The following CNPY4 variants were observed in gnomAD, a reference collection of about 807,000 sequenced individuals.
CNPY4 encodes the protein canopy FGF signaling regulator 4.
Under a neutral mutation model 30.1 loss-of-function variants are expected in CNPY4, and 33 were observed. The observed-to-expected ratio is 1.10, with a 90% CI of 0.83 to 1.46. The LOEUF (loss-of-function observed/expected upper bound fraction) is 1.46. Among genes scored for constraint, CNPY4 ranks in the 40% most tolerant of loss-of-function variants. The probability of loss-of-function intolerance (pLI) is 0.00; values close to 1 mark genes in which losing one functional copy is unlikely to be tolerated. For synonymous variants in CNPY4, 109 were observed against 110.1 expected, an observed-to-expected ratio of 0.99 and a Z score of 0.06; for missense variants, 324 against 302.6, an observed-to-expected ratio of 1.07 and a Z score of -0.52.
Position 100,125,188 on chromosome 7 carries a change from C to G in CNPY4, c.*300C>G, listed in dbSNP as rs1798180501. 1 of 311,180 alleles carries G rather than the reference C, an allele frequency of 3.2e-6. No homozygotes were observed. Among genetic ancestry groups the G allele is most frequent in the South Asian group, 7.2e-5 (1 of 13,942 alleles). The allele number at this position is 311,180 out of a possible 1,614,324, so 19.3% of individuals were successfully genotyped here. Reference sequence around the variant, plus strand: ...CTCTTTAACTGATCCCACCCCCACCCAAAAGTCAGCAGTGGCACTGGAGCT... The same window carrying G: ...CTCTTTAACTGATCCCACCCCCACCGAAAAGTCAGCAGTGGCACTGGAGCT... On this transcript the variant is annotated 3_prime_UTR_variant, in exon 6 of 6. Coordinates refer to ENST00000262932, the MANE Select transcript of CNPY4 (RefSeq NM_152755.2).
At chr7:100,120,137 G>C (rs896144893) in intron 1 of CNPY4, 12 of 337,350 alleles carry the variant, frequency 3.6e-5, no homozygotes, top group African/African-American at 1.7e-4. Context: ...CCATCGGCCC[G>C]GGACTGCCAA....
chr7:100,121,786 C>T (rs967251420), intron 1 of CNPY4, among the ~76,000 whole-genome samples: 1 of 150,610 alleles, frequency 6.6e-6, no homozygotes, highest in Non-Finnish European at 1.5e-5. Flanking sequence ...CGTGGTGGCT[C>T]ACGCCTGTAA....
rs536137427 is a variant in CNPY4, at chr7:100,119,641, G to C, written c.-104G>C. ...TCCTGCGCATGCGCCGACCTTCCTC[G>C]GCTGGATTTAAGGTTGCCGCTAGCC... On this transcript the variant is annotated 5_prime_UTR_variant, in exon 1 of 6. Coordinates refer to ENST00000262932, the MANE Select transcript of CNPY4 (RefSeq NM_152755.2). 8 of 1,603,086 alleles carry C rather than the reference G, an allele frequency of 5.0e-6. No individual in the cohort carries two copies. The highest frequency in any genetic ancestry group is 6.8e-6 in the Non-Finnish European group (8 of 1,174,460).
rs1342308918 is a variant in CNPY4, at chr7:100,122,553, C to A, written c.318C>A (p.Arg106=). The A allele has an allele frequency of 1.2e-6, 2 of 1,611,970 alleles. No individual in the cohort carries two copies. Among genetic ancestry groups the A allele is most frequent in the Non-Finnish European group, 1.7e-6 (2 of 1,178,864 alleles). Residue 106 remains arginine, a synonymous_variant, in exon 3 of 6, where the codon CGC becomes CGA. Transcript: ENST00000262932. The stretch of plus-strand genomic sequence containing the variant: ...TGGACTATAGTGTTCACGCTGAGCG[C>A]AAGGGCTCACTGAGATATGCCAAGG... The part of the protein sequence containing the change: ...RILDYSVHAE[R]KGSLRYAKGQ...
In CNPY4 at chr7:100,124,894, G is replaced by A. The variant is rs1798173651; in HGVS notation, c.*6G>A. ...TTGACCGAGAAGATCTTTGACCCTT[G>A]CCTTTGAGCCCCCAGGAGGGGAAGG... On this transcript the variant is annotated 3_prime_UTR_variant, in exon 6 of 6. Transcript: ENST00000262932. 2.5e-6 allele frequency: 4 copies of A among 1,577,836 alleles called. No homozygotes were observed. The highest frequency in any genetic ancestry group is 3.4e-6 in the Non-Finnish European group (4 of 1,162,986).
In CNPY4 at chr7:100,122,847, G is replaced by A; in HGVS notation, c.406G>A (p.Gly136Arg). The A allele has an allele frequency of 5.0e-6, 8 of 1,613,854 alleles. No homozygotes were observed. The highest frequency in any genetic ancestry group is 5.9e-6 in the Non-Finnish European group (7 of 1,179,942). Residue 136 changes from glycine (G) to arginine (R), a missense_variant, in exon 4 of 6, where the codon GGG becomes AGG. Transcript: ENST00000262932. The part of the protein sequence containing the change: ...LVQKGVKVDL[G>R]IPLELWDEPS... Reference sequence around the variant, plus strand: ...GCAGAAGGGGGTGAAGGTGGATCTGGGGATCCCTCTGGAGCTTTGGGATGA... The same window carrying A: ...GCAGAAGGGGGTGAAGGTGGATCTGAGGATCCCTCTGGAGCTTTGGGATGA...
Position 100,124,727 on chromosome 7 carries a change from T to A in CNPY4, c.586T>A (p.Cys196Ser). 1 of 1,613,754 alleles carries A rather than the reference T, an allele frequency of 6.2e-7. No homozygotes were observed. Among genetic ancestry groups the A allele is most frequent in the Non-Finnish European group, 8.5e-7 (1 of 1,179,962 alleles). ...GHVLPAAETACLQETWTGKEI... is the reference protein window; with the variant it reads ...GHVLPAAETASLQETWTGKEI... ...TTGTTTTCTGTCATCCGATCTAGCA[T>A]GTCTACAGGAAACTTGGACTGGAAA... The change falls in exon 6 of 6, where the codon TGT (cysteine) becomes AGT (serine). Residue 196 changes from cysteine (C) to serine (S), a missense_variant and splice_region_variant. Cys to Ser is a moderately radical substitution (Grantham distance 112). Coordinates refer to ENST00000262932, the MANE Select transcript of CNPY4 (RefSeq NM_152755.2).
At chr7:100,121,109 T>TATATATATATAC (rs1407495343) in intron 1 of CNPY4, 24 of 25,930 alleles carry the variant, frequency 9.3e-4, no homozygotes, top group Non-Finnish European at 2.1e-3. Flanking sequence ...TATATATATA[T>TATATATATATAC]ATATATATTT....
At position 100,124,954 on chromosome 7, in the gene CNPY4, C is replaced by G; in HGVS notation, c.*66C>G. The G allele has an allele frequency of 6.6e-7, 1 of 1,504,278 alleles. No homozygotes were observed. The highest frequency in any genetic ancestry group is 2.3e-5 in the East Asian group (1 of 44,084). The allele number at this position is 1,504,278 out of a possible 1,614,324, so 93.2% of individuals were successfully genotyped here. On this transcript the variant is annotated 3_prime_UTR_variant, in exon 6 of 6. Transcript: ENST00000262932. ...GAGCCCTCTAAAGCCTGCACTCTCCCTGCTCCACAGCTTTCAGGGTGTGTT... is the reference window on the plus strand; with the variant it reads ...GAGCCCTCTAAAGCCTGCACTCTCCGTGCTCCACAGCTTTCAGGGTGTGTT...
chr7:100,121,110 A>AT (rs1798036782), intron 1 of CNPY4: 44 of 28,368 alleles, frequency 1.6e-3, no homozygotes, highest in Non-Finnish European at 2.1e-3. Context: ...ATATATATAT[A>AT]TATATATTTT....
chr7:100,124,712 T>C lies in CNPY4; in HGVS notation c.584-13T>C. On this transcript the variant is annotated splice_polypyrimidine_tract_variant and intron_variant, in intron 5 of 5. Transcript: ENST00000262932. ...GGACTAATATCTAAATTGTTTTCTG[T>C]CATCCGATCTAGCATGTCTACAGGA... The C allele has an allele frequency of 6.2e-7, 1 of 1,613,702 alleles. No homozygotes were observed. The highest frequency in any genetic ancestry group is 1.1e-5 in the South Asian group (1 of 91,064).
At chr7:100,123,439 G>A (rs1798124712) in intron 4 of CNPY4, among the ~76,000 whole-genome samples, 1 of 152,116 alleles carries the variant, frequency 6.6e-6, no homozygotes, top group Admixed American at 6.6e-5. Flanking sequence ...GAGTCTGAGG[G>A]AGAAGGACTG....
chr7:100,124,843 G>C lies in CNPY4; in HGVS notation c.702G>C (p.Met234Ile), dbSNP rs1028407623. The C allele has an allele frequency of 6.2e-7, 1 of 1,609,736 alleles. No individual in the cohort carries two copies. Among genetic ancestry groups the C allele is most frequent in the Non-Finnish European group, 8.5e-7 (1 of 1,177,842 alleles). Residue 234 changes from methionine to isoleucine, a missense_variant, in exon 6 of 6, where the codon ATG (methionine) becomes ATC (isoleucine). Coordinates refer to ENST00000262932, the MANE Select transcript of CNPY4 (RefSeq NM_152755.2). ...AGGAAGAGGAAGGGGGAGACAAGATGACCAAGACAGGAAGCCACCCCAAAC... is the reference window on the plus strand; with the variant it reads ...AGGAAGAGGAAGGGGGAGACAAGATCACCAAGACAGGAAGCCACCCCAAAC... Reference protein sequence around the residue: ...EEEEEEGGDKMTKTGSHPKLD... With the variant: ...EEEEEEGGDKITKTGSHPKLD...
rs776579969 is a variant in CNPY4 at position 100,119,673 on chromosome 7, G to A, written c.-72G>A. 6.2e-7 allele frequency: 1 copy of A among 1,612,254 alleles called. No individual in the cohort carries two copies. Among genetic ancestry groups the A allele is most frequent in the East Asian group, 2.2e-5 (1 of 44,668 alleles). On this transcript the variant is annotated 5_prime_UTR_variant, in exon 1 of 6. Coordinates refer to ENST00000262932, the MANE Select transcript of CNPY4 (RefSeq NM_152755.2). Reference sequence around the variant, plus strand: ...TTTAAGGTTGCCGCTAGCCGCCTGGGAATTTAAGGGACCCACACTACCTTC... The same window carrying A: ...TTTAAGGTTGCCGCTAGCCGCCTGGAAATTTAAGGGACCCACACTACCTTC...
rs750792548 is a variant in CNPY4, at chr7:100,122,973, G to A, written c.465+67G>A. On this transcript the variant is annotated intron_variant, in intron 4 of 5. Transcript: ENST00000262932. ...ACCTGAGAGGGGAGCTAGGTTCTAGGGTTTGACTATAGGGGATGTCTACCC... is the reference window on the plus strand; with the variant it reads ...ACCTGAGAGGGGAGCTAGGTTCTAGAGTTTGACTATAGGGGATGTCTACCC... 50 of 1,529,258 alleles carry A rather than the reference G, an allele frequency of 3.3e-5. 1 individual carries two copies. Among genetic ancestry groups the A allele is most frequent in the African/African-American group, 9.6e-5 (7 of 72,796 alleles). 94.7% of individuals were successfully genotyped at this position (1,529,258 alleles called of 1,614,324 possible). A position where few individuals can be genotyped will look rare whatever the true frequency, so the allele number is the denominator to read the frequency against.
In CNPY4 at chr7:100,122,553, C is replaced by T; in HGVS notation, c.318C>T (p.Arg106=). The T allele has an allele frequency of 6.2e-7, 1 of 1,611,970 alleles. No homozygotes were observed. Residue 106 remains arginine (R), a synonymous_variant, in exon 3 of 6, where the codon CGC becomes CGT. Coordinates refer to ENST00000262932, the MANE Select transcript of CNPY4 (RefSeq NM_152755.2). ...RILDYSVHAE[R]KGSLRYAKGQ... is the part of the protein sequence containing the mutation. ...TGGACTATAGTGTTCACGCTGAGCG[C>T]AAGGGCTCACTGAGATATGCCAAGG...
intron 1 of CNPY4, chr7:100,121,117 T>TATATACATATA (rs1491228284): frequency 1.7e-4 from 6 of 35,152 alleles, no homozygotes; most frequent in Admixed American, 4.9e-4. Context: ...TATATATATA[T>TATATACATATA]TTTTTTTTTT....
At position 100,122,867 on chromosome 7, in the gene CNPY4, G is replaced by C. The variant is rs1420300993; in HGVS notation, c.426G>C (p.Trp142Cys). The C allele has an allele frequency of 6.2e-7, 1 of 1,613,680 alleles. No homozygotes were observed. Among genetic ancestry groups the C allele is most frequent in the Non-Finnish European group, 8.5e-7 (1 of 1,180,002 alleles). Residue 142 changes from tryptophan (W) to cysteine (C), a missense_variant, in exon 4 of 6, where the codon TGG (tryptophan) becomes TGC (cysteine). Physicochemically the swap from Trp to Cys is radical, Grantham distance 215. Transcript: ENST00000262932. ...ATCTGGGGATCCCTCTGGAGCTTTG[G>C]GATGAGCCCAGCGTGGAGGTCACAT... Reference protein sequence around the residue: ...KVDLGIPLELWDEPSVEVTYL... With the variant: ...KVDLGIPLELCDEPSVEVTYL...
intron 1 of CNPY4, among the ~76,000 whole-genome samples, chr7:100,121,794 T>C (rs1798077901): frequency 6.6e-6 from 1 of 150,934 alleles, no homozygotes; most frequent in Admixed American, 6.6e-5. Context: ...CTCACGCCTG[T>C]AATCCCAGTA....
Sources: allele counts gnomAD v4.1 joint callset (sites outside exome capture counted in the v4.1 genomes callset), GRCh38; gene constraint gnomAD v4.1.1; transcripts MANE v1.5; gene names NCBI Gene and HGNC (gene_info 2026-07-23, HGNC 2026-07-21).